Variants in PTPRJ observed in about 807,000 individuals in gnomAD.
The protein encoded by PTPRJ is receptor-type tyrosine-protein phosphatase eta.
PTPRJ carries 129 observed loss-of-function variants against 141.3 expected under a neutral mutation model. The ratio of observed to expected loss-of-function variants is 0.91; its 90% CI spans 0.79 to 1.06. The LOEUF (loss-of-function observed/expected upper bound fraction) is 1.06, where lower values mean the gene tolerates loss of function less well. Among genes scored for constraint, PTPRJ ranks in the 50% least tolerant of loss-of-function variants. The probability of loss-of-function intolerance (pLI) is 0.00; values close to 1 mark genes in which losing one functional copy is unlikely to be tolerated. For missense variants in PTPRJ, 1,601 were observed against 1,679.7 expected, an observed-to-expected ratio of 0.95 and a Z score of 0.82; for synonymous variants, 610 against 640.5, an observed-to-expected ratio of 0.95 and a Z score of 0.72.
At chr11:47,987,531 A>G (rs1429268145) in intron 1 of PTPRJ, among the ~76,000 whole-genome samples, 1 of 152,220 alleles carries the variant, frequency 6.6e-6, no homozygotes, top group Non-Finnish European at 1.5e-5. Flanking sequence ...GCACCAACCA[A>G]CCAGTCACAG....
Position 48,150,158 on chromosome 11 carries a change from AC to A in PTPRJ, c.3114del (p.Cys1039ValfsTer10). 2.5e-6 allele frequency: 4 copies of A among 1,614,160 alleles called. No individual in the cohort carries two copies. The highest frequency in any genetic ancestry group is 3.4e-6 in the Non-Finnish European group (4 of 1,179,968). ...TTCAAGAAGCAGCAAGCTGACTCCA[AC>A]TGTGGGTTCGCAGAGGAATACGAAG... ...AYFKKQQADS[N>X]CGFAEEYEDL... On this transcript the variant is annotated frameshift_variant, in exon 18 of 25. Coordinates refer to ENST00000418331, the MANE Select transcript of PTPRJ (RefSeq NM_002843.4). LOFTEE classifies it high-confidence loss of function.
intron 1 of PTPRJ, among the ~76,000 whole-genome samples, chr11:48,018,827 C>T (rs1855022868): frequency 6.6e-6 from 1 of 152,306 alleles, no homozygotes; most frequent in African/African-American, 2.4e-5. Context: ...CAGTTGACCA[C>T]AGTTTTCATT....
intron 1 of PTPRJ, among the ~76,000 whole-genome samples, chr11:47,989,945 A>C (rs1451779633): frequency 6.6e-6 from 1 of 152,198 alleles, no homozygotes; most frequent in African/African-American, 2.4e-5. Context: ...TAATAATAGG[A>C]GTACCTCTGA....
In PTPRJ at chr11:48,143,045, G is replaced by A. The variant is rs1471410351; in HGVS notation, c.2570G>A (p.Gly857Glu). Residue 857 changes from glycine (G) to glutamate (E), a missense_variant, in exon 12 of 25, where the codon GGG becomes GAG. Gly to Glu is a moderately conservative substitution (Grantham distance 98). Transcript: ENST00000418331. ...GCCTATGCTGTCATTCTCACCACCG[G>A]GGAAGGTAAGGAGAGGCCTCCGTGG... ...IKAYAVILTT[G>E]EAGHPSADVL... 1.2e-6 allele frequency: 2 copies of A among 1,614,082 alleles called. No individual in the cohort carries two copies. The highest frequency in any genetic ancestry group is 1.7e-6 in the Non-Finnish European group (2 of 1,179,968).
intron 1 of PTPRJ, among the ~76,000 whole-genome samples, chr11:48,095,256 A>C (rs1855973969): frequency 6.6e-6 from 1 of 152,244 alleles, no homozygotes; most frequent in African/African-American, 2.4e-5. Flanking sequence ...GAAAGGAAAT[A>C]AAAAGTGTTT....
intron 1 of PTPRJ, chr11:48,044,865 A>G (rs1398635162): frequency 6.6e-6 from 1 of 152,274 alleles, no homozygotes; most frequent in Non-Finnish European, 1.5e-5. Context: ...GCATCTGGCT[A>G]TCGCAGGTTC....
rs1856691154 is a variant in PTPRJ, at chr11:48,121,007, C to T, written c.357C>T (p.Pro119=). ...ASQKTPSSTG[P]SPVFDIKAVS... The stretch of plus-strand genomic sequence containing the variant: ...TTTTTTTTTTTAACAATATAGGGCC[C>T]AGTCCTGTGTTTGACATTAAAGCTG... Residue 119 remains proline, a synonymous_variant, in exon 4 of 25, where the codon CCC becomes CCT. Transcript: ENST00000418331. The T allele has an allele frequency of 1.3e-6, 2 of 1,588,472 alleles. No individual in the cohort carries two copies. The highest frequency in any genetic ancestry group is 1.7e-6 in the Non-Finnish European group (2 of 1,166,934).
At chr11:48,087,239 G>A (rs987889348) in intron 1 of PTPRJ, among the ~76,000 whole-genome samples, 1 of 152,206 alleles carries the variant, frequency 6.6e-6, no homozygotes, top group South Asian at 2.1e-4. Context: ...AGCCCGTGAA[G>A]TTTTCAGCGG....
At chr11:48,047,318 G>A (rs985329363) in intron 1 of PTPRJ, among the ~76,000 whole-genome samples, 3 of 152,132 alleles carry the variant, frequency 2.0e-5, no homozygotes, top group African/African-American at 7.2e-5. Flanking sequence ...GTTGAGAGTT[G>A]CTAACAAGTA....
chr11:48,041,456 A>G, intron 1 of PTPRJ, among the ~76,000 whole-genome samples: 1 of 152,120 alleles, frequency 6.6e-6, no homozygotes, highest in East Asian at 1.9e-4. Context: ...GTTACTACAA[A>G]CTTCATCACA....
At chr11:47,984,672 C>T (rs1194845074) in intron 1 of PTPRJ, among the ~76,000 whole-genome samples, 2 of 151,932 alleles carry the variant, frequency 1.3e-5, no homozygotes, top group African/African-American at 4.8e-5. Context: ...GATTCTCTTA[C>T]CTCAGCCTCC....
intron 1 of PTPRJ, among the ~76,000 whole-genome samples, chr11:48,089,502 C>T (rs1301053747): frequency 8.6e-5 from 11 of 127,884 alleles, no homozygotes; most frequent in Admixed American, 6.5e-4. Context: ...GGCAACGGAG[C>T]GAGACTCCAT....
chr11:48,015,880 T>C (rs1378852482), intron 1 of PTPRJ: 2 of 123,390 alleles, frequency 1.6e-5, no homozygotes, highest in African/African-American at 6.3e-5. Flanking sequence ...AAAAAAGAAA[T>C]AATACTAATG....
rs71457242 is a variant in PTPRJ, at chr11:48,049,515, T to TAAAACAAAACAAAACAAAACAAAAC, written c.97-60515_97-60491dup. Among the ~76,000 whole-genome samples the TAAAACAAAACAAAACAAAACAAAAC allele has an allele frequency of 4.3e-4, 61 of 140,932 alleles. 1 individual carries two copies. Among genetic ancestry groups the TAAAACAAAACAAAACAAAACAAAAC allele is most frequent in the African/African-American group, 1.5e-3 (52 of 35,822 alleles). 92.5% of individuals were successfully genotyped at this position (140,932 alleles called of 152,430 possible). A position where few individuals can be genotyped will look rare whatever the true frequency, so the allele number is the denominator to read the frequency against. On this transcript the variant is annotated intron_variant, in intron 1 of 24. Coordinates refer to ENST00000418331, the MANE Select transcript of PTPRJ (RefSeq NM_002843.4). ...CAATGCGGTGAAACCCCGTCTCTAC[T>TAAAACAAAACAAAACAAAACAAAAC]AAAACAAAACAAAACAAAACAAAAC...
intron 1 of PTPRJ, among the ~76,000 whole-genome samples, chr11:48,011,371 C>T (rs1854778967): frequency 6.6e-6 from 1 of 152,154 alleles, no homozygotes; most frequent in South Asian, 2.1e-4. Flanking sequence ...TGTTTCTGGA[C>T]TTACCACTTA....
chr11:48,042,682 A>G (rs1033490225), intron 1 of PTPRJ, among the ~76,000 whole-genome samples: 1 of 152,108 alleles, frequency 6.6e-6, no homozygotes, highest in Non-Finnish European at 1.5e-5. Flanking sequence ...ACAGCGGTTT[A>G]GAACATTGGA....
chr11:48,053,917 C>T (rs1406441747), intron 1 of PTPRJ, among the ~76,000 whole-genome samples: 1 of 134,486 alleles, frequency 7.4e-6, no homozygotes, highest in African/African-American at 2.8e-5. Flanking sequence ...TGTTTAAATT[C>T]TGGCACCTCG....
At chr11:48,146,840 A>G (rs762367762) in intron 14 of PTPRJ, 36 bp from the exon 15 acceptor site, 2 of 1,572,670 alleles carry the variant, frequency 1.3e-6, no homozygotes, top group African/African-American at 2.7e-5. Context: ...CTGCATGAAC[A>G]CCTCTTGAAG....
chr11:48,086,581 A>G (rs964134825), intron 1 of PTPRJ, among the ~76,000 whole-genome samples: 1 of 152,206 alleles, frequency 6.6e-6, no homozygotes, highest in Non-Finnish European at 1.5e-5. Flanking sequence ...ACTGTCTCCA[A>G]CCTGTAGCCT....
Sources: allele counts gnomAD v4.1 joint callset (sites outside exome capture counted in the v4.1 genomes callset), GRCh38; gene constraint gnomAD v4.1.1; transcripts MANE v1.5; gene names NCBI Gene and HGNC (gene_info 2026-07-23, HGNC 2026-07-21).